TMTC2: variants seen among roughly 807,000 people sequenced by gnomAD.
The protein encoded by TMTC2 is protein O-mannosyl-transferase TMTC2.
TMTC2 carries 43 observed loss-of-function variants against 82.4 expected under a neutral mutation model. That is an observed-to-expected ratio of 0.52 (90% CI 0.41 to 0.67). The LOEUF (loss-of-function observed/expected upper bound fraction) is 0.67. Ranked by LOEUF, TMTC2 falls within the 30% of genes least tolerant of loss-of-function variation. The pLI, the probability that TMTC2 is intolerant of heterozygous loss-of-function variation, is 0.00. For synonymous variants in TMTC2, 408 were observed against 381.9 expected, an observed-to-expected ratio of 1.07 and a Z score of -0.80; for missense variants, 919 against 1,012.4, an observed-to-expected ratio of 0.91 and a Z score of 1.25.
chr12:82,975,068 G>A (rs986206845), intron 7 of TMTC2, among the ~76,000 whole-genome samples: 1 of 152,142 alleles, frequency 6.6e-6, no homozygotes, highest in Non-Finnish European at 1.5e-5. Flanking sequence ...TGGGAGACAG[G>A]AGAACAGGAG....
intron 1 of TMTC2, among the ~76,000 whole-genome samples, chr12:82,795,710 C>T (rs1878686589): frequency 6.6e-6 from 1 of 152,122 alleles, no homozygotes; most frequent in South Asian, 2.1e-4. Context: ...CATGTGGAGA[C>T]ACGATGTTTC....
intron 1 of TMTC2, among the ~76,000 whole-genome samples, chr12:82,780,447 G>A (rs542404866): frequency 1.8e-4 from 26 of 142,962 alleles, no homozygotes; most frequent in African/African-American, 6.3e-4. Context: ...TTTTTTTTTT[G>A]TTGAGTGTTT....
At chr12:82,792,528 G>A (rs1241220828) in intron 1 of TMTC2, among the ~76,000 whole-genome samples, 1 of 151,992 alleles carries the variant, frequency 6.6e-6, no homozygotes, top group East Asian at 1.9e-4. Context: ...GTGCAGTAAT[G>A]TGATCATGGC....
chr12:82,917,138 A>G (rs1875045327), intron 3 of TMTC2, among the ~76,000 whole-genome samples: 2 of 152,136 alleles, frequency 1.3e-5, no homozygotes, highest in Non-Finnish European at 2.9e-5. Flanking sequence ...ACCCCGCCCC[A>G]TAGTCTTTGC....
At chr12:82,930,086 C>T (rs1359052551) in intron 3 of TMTC2, among the ~76,000 whole-genome samples, 3 of 151,936 alleles carry the variant, frequency 2.0e-5, no homozygotes, top group Non-Finnish European at 2.9e-5. Flanking sequence ...CAGTTTCTGG[C>T]CCAGTAAGTA....
chr12:83,057,994 C>T (rs886428376), intron 10 of TMTC2, among the ~76,000 whole-genome samples: 6 of 151,782 alleles, frequency 4.0e-5, no homozygotes, highest in African/African-American at 7.2e-5. Flanking sequence ...TAATCAGATT[C>T]GCTTCAAACA....
At chr12:83,065,634 A>T (rs1027545380) in intron 11 of TMTC2, among the ~76,000 whole-genome samples, 1 of 151,848 alleles carries the variant, frequency 6.6e-6, no homozygotes, top group African/African-American at 2.4e-5. Context: ...TTTTAGTTTT[A>T]ATTTTTTTTT....
intron 2 of TMTC2, among the ~76,000 whole-genome samples, chr12:82,882,026 GTC>G: frequency 7.7e-6 from 1 of 129,036 alleles, no homozygotes. Flanking sequence ...TTGAGACGGA[GTC>G]TCTCTCTGTC....
chr12:82,963,791 T>TCA (rs767850192), intron 4 of TMTC2, among the ~76,000 whole-genome samples: 561 of 6,224 alleles, frequency 0.09, 220 homozygotes, highest in East Asian at 0.17. Context: ...GTCCAGATTT[T>TCA]CATATATATA....
At chr12:82,814,878 G>C (rs1868601616) in intron 1 of TMTC2, among the ~76,000 whole-genome samples, 1 of 152,138 alleles carries the variant, frequency 6.6e-6, no homozygotes, top group African/African-American at 2.4e-5. Context: ...TTGAGAATCA[G>C]TGCTGTAGCT....
chr12:82,785,942 A>G (rs1317740638), intron 1 of TMTC2, among the ~76,000 whole-genome samples: 3 of 152,116 alleles, frequency 2.0e-5, no homozygotes, highest in African/African-American at 7.2e-5. Context: ...AAGTGTGGCA[A>G]GACTACTTTG....
chr12:82,849,357 G>T (rs1465170721), intron 1 of TMTC2, among the ~76,000 whole-genome samples: 3 of 152,080 alleles, frequency 2.0e-5, no homozygotes. Context: ...TAATAAGCAT[G>T]CTAAGCAATG....
chr12:83,013,696 C>A (rs10778930), intron 8 of TMTC2, among the ~76,000 whole-genome samples: 116,703 of 152,172 alleles, frequency 0.77, 46,267 homozygotes, highest in South Asian at 0.93. Flanking sequence ...TTTGAGTAAC[C>A]TAATTTTGCT....
At chr12:82,925,291 G>C (rs983441550) in intron 3 of TMTC2, among the ~76,000 whole-genome samples, 5 of 152,040 alleles carry the variant, frequency 3.3e-5, no homozygotes, top group African/African-American at 1.2e-4. Flanking sequence ...AGCTCACATG[G>C]GTGGGAATTG....
At chr12:82,940,740 G>A (rs1243130538) in intron 4 of TMTC2, among the ~76,000 whole-genome samples, 1 of 124,834 alleles carries the variant, frequency 8.0e-6, no homozygotes, top group Admixed American at 9.0e-5. Context: ...CACCTTTTTT[G>A]CATAATACCT....
chr12:82,922,973 G>A (rs2707760), intron 3 of TMTC2, among the ~76,000 whole-genome samples: 133,922 of 152,126 alleles, frequency 0.88, 59,563 homozygotes, highest in East Asian at 1. Context: ...ATTCTCTTAC[G>A]TGCTTTCTAA....
At chr12:82,880,069 C>G (rs945175942) in intron 2 of TMTC2, among the ~76,000 whole-genome samples, 2 of 152,104 alleles carry the variant, frequency 1.3e-5, no homozygotes, top group South Asian at 2.1e-4. Context: ...TTTGGATGAC[C>G]TGCATTTGTT....
At chr12:82,828,689 T>C (rs1869578083) in intron 1 of TMTC2, among the ~76,000 whole-genome samples, 1 of 152,200 alleles carries the variant, frequency 6.6e-6, no homozygotes, top group Non-Finnish European at 1.5e-5. Context: ...TGGGGCATAC[T>C]GTTAGCACTC....
chr12:82,962,666 T>G (rs925361739), intron 4 of TMTC2, among the ~76,000 whole-genome samples: 1 of 152,058 alleles, frequency 6.6e-6, no homozygotes, highest in Non-Finnish European at 1.5e-5. Context: ...TCAGTGAGCC[T>G]CTACCTTGAT....
Sources: gnomAD v4.1 joint callset for allele counts (sites outside exome capture counted in the v4.1 genomes callset) on GRCh38, gnomAD v4.1.1 for gene constraint, MANE v1.5 for transcripts, NCBI Gene and HGNC (gene_info 2026-07-23, HGNC 2026-07-21) for gene names.